The following DNAH12 variants were observed in gnomAD, a reference collection of about 807,000 sequenced individuals.
The protein encoded by DNAH12 is dynein axonemal heavy chain 12.
Under a neutral mutation model 371.5 loss-of-function variants are expected in DNAH12, and 285 were observed. The ratio of observed to expected loss-of-function variants is 0.77; its 90% CI spans 0.70 to 0.85. The LOEUF (loss-of-function observed/expected upper bound fraction) is 0.85, where lower values mean the gene tolerates loss of function less well. Among genes scored for constraint, DNAH12 ranks in the 40% least tolerant of loss-of-function variants. The probability of loss-of-function intolerance (pLI) is 0.00; values close to 1 mark genes in which losing one functional copy is unlikely to be tolerated. For missense variants in DNAH12, 3,611 were observed against 3,689.4 expected, an observed-to-expected ratio of 0.98 and a Z score of 0.55; for synonymous variants, 1,200 against 1,213.0, an observed-to-expected ratio of 0.99 and a Z score of 0.22.
Position 57,501,335 on chromosome 3 carries a change from C to T in DNAH12, c.1321G>A (p.Asp441Asn), listed in dbSNP as rs868742248. 3 of 1,598,458 alleles carry T rather than the reference C, an allele frequency of 1.9e-6. No homozygotes were observed. Among genetic ancestry groups the T allele is most frequent in the Non-Finnish European group, 2.6e-6 (3 of 1,175,544 alleles). The change falls in exon 11 of 74, where the codon GAT becomes AAT. Residue 441 changes from aspartate to asparagine, a missense_variant. Coordinates refer to ENST00000495027, the MANE Select transcript of DNAH12 (RefSeq NM_001366028.2). ...TTACCGCTTACCTCTGTATATTCAT[C>T]AAAAGTATGATCTTCTGTCTGAAAA... ...ETFQTEDHTF[D>N]EYTEFIEKFL... is the part of the protein sequence containing the mutation.
rs1380597664 is a variant in DNAH12, at chr3:57,458,115, GTTTCT to G, written c.3032_3036del (p.Lys1011ThrfsTer12). 3 of 1,544,824 alleles carry G rather than the reference GTTTCT, an allele frequency of 1.9e-6. No individual in the cohort carries two copies. The highest frequency in any genetic ancestry group is 1.7e-4 in the Middle Eastern group (1 of 5,976). ...TTATCATACCGAGGGAAGAAAAGAC[GTTTCT>G]TTTCAAGATATGCGTTAAGACCTTT... is the stretch of plus-strand genomic sequence containing the variant. On this transcript the variant is annotated frameshift_variant, in exon 21 of 74. Coordinates refer to ENST00000495027, the MANE Select transcript of DNAH12 (RefSeq NM_001366028.2). LOFTEE classifies it high-confidence loss of function.
chr3:57,351,383 T>C (rs1241305805), intron 60 of DNAH12, among the ~76,000 whole-genome samples: 1 of 152,216 alleles, frequency 6.6e-6, no homozygotes, highest in Non-Finnish European at 1.5e-5. Flanking sequence ...ACAATCATTC[T>C]GGAAAACAAT....
At chr3:57,416,786 G>A (rs980925216) in intron 37 of DNAH12, among the ~76,000 whole-genome samples, 1 of 151,914 alleles carries the variant, frequency 6.6e-6, no homozygotes, top group African/African-American at 2.4e-5. Context: ...CAGTGAATGG[G>A]GAATTCAAGC....
At chr3:57,458,661 T>C (rs1387044142) in intron 20 of DNAH12, among the ~76,000 whole-genome samples, 2 of 152,192 alleles carry the variant, frequency 1.3e-5, no homozygotes. Context: ...TTCACACTTT[T>C]AGAAGTTAAA....
intron 4 of DNAH12, among the ~76,000 whole-genome samples, chr3:57,517,769 C>A (rs1222929204): frequency 1.3e-5 from 2 of 152,132 alleles, no homozygotes; most frequent in Non-Finnish European, 2.9e-5. Flanking sequence ...CTCCCTGGCC[C>A]AGCACGGTGG....
At chr3:57,393,433 G>C (rs1028165646) in intron 44 of DNAH12, among the ~76,000 whole-genome samples, 151,657 of 151,862 alleles carry the variant, frequency 1, 75,727 homozygotes, top group Middle Eastern at 1. Context: ...TGAGACCATC[G>C]TGGCTAACAC....
At chr3:57,322,210 CTTGTT>C in intron 65 of DNAH12, 128 bp downstream of exon 65, 1 of 998,394 alleles carries the variant, frequency 1.0e-6, no homozygotes, top group East Asian at 2.8e-5. Flanking sequence ...CAATTTTTGT[CTTGTT>C]AGGAAATGCG....
intron 60 of DNAH12, among the ~76,000 whole-genome samples, chr3:57,337,498 A>C (rs1393070984): frequency 1.3e-5 from 2 of 152,198 alleles, no homozygotes; most frequent in African/African-American, 4.8e-5. Context: ...TGTTTCTAAT[A>C]AAAATAGAAA....
intron 13 of DNAH12, among the ~76,000 whole-genome samples, chr3:57,477,096 G>A (rs1030529802): frequency 3.0e-4 from 45 of 152,124 alleles, no homozygotes; most frequent in African/African-American, 1.1e-3. Context: ...TGGGTGCAGC[G>A]CACTGAGCAT....
intron 12 of DNAH12, among the ~76,000 whole-genome samples, chr3:57,484,663 C>G: frequency 6.6e-6 from 1 of 151,902 alleles, no homozygotes; most frequent in East Asian, 1.9e-4. Flanking sequence ...CAAAAGCAAA[C>G]ACAACAAAAA....
rs2063497734 is a variant in DNAH12, at chr3:57,386,257, T to C, written c.7602+184A>G. Among the ~76,000 whole-genome samples, 5 of 152,372 alleles carry C rather than the reference T, an allele frequency of 3.3e-5. No individual in the cohort carries two copies. The South Asian group carries it at 1.0e-3, about 32-fold the overall frequency. Reference sequence around the variant, plus strand: ...CTGTAAAACTTACTGTACTCATTTGTAAAATGAGGATCACAGAAGTGTCCA... The same window carrying C: ...CTGTAAAACTTACTGTACTCATTTGCAAAATGAGGATCACAGAAGTGTCCA... On this transcript the variant is annotated intron_variant, in intron 47 of 73. Transcript: ENST00000495027.
At chr3:57,345,571 A>G (rs1156617557) in intron 60 of DNAH12, among the ~76,000 whole-genome samples, 1 of 152,208 alleles carries the variant, frequency 6.6e-6, no homozygotes, top group East Asian at 1.9e-4. Flanking sequence ...TGACATTTTA[A>G]GTGGATAATT....
At chr3:57,456,787 T>C (rs2153375736) in intron 22 of DNAH12, among the ~76,000 whole-genome samples, 1 of 152,296 alleles carries the variant, frequency 6.6e-6, no homozygotes, top group Middle Eastern at 3.4e-3. Flanking sequence ...TCCACAAATC[T>C]GCTTCTCCTC....
At chr3:57,312,577 G>A (rs376639879) in intron 66 of DNAH12, among the ~76,000 whole-genome samples, 2 of 152,142 alleles carry the variant, frequency 1.3e-5, no homozygotes, top group African/African-American at 2.4e-5. Context: ...AATGAAACAC[G>A]GATCCAGCCA....
At chr3:57,458,322 G>T (rs575906776) in intron 20 of DNAH12, 102 bp from the exon 21 acceptor site, 39 of 1,300,972 alleles carry the variant, frequency 3.0e-5, no homozygotes, top group Admixed American at 3.6e-5. Context: ...AATGTTAAAA[G>T]GTTTATGAAA....
intron 47 of DNAH12, among the ~76,000 whole-genome samples, chr3:57,385,990 GAT>G (rs1185119053): frequency 4.6e-5 from 7 of 151,972 alleles, no homozygotes; most frequent in Admixed American, 6.6e-5. Flanking sequence ...GAGTATTCCT[GAT>G]ATATTATGTG....
At chr3:57,453,886 A>C (rs1409224345) in intron 23 of DNAH12, among the ~76,000 whole-genome samples, 1 of 152,072 alleles carries the variant, frequency 6.6e-6, no homozygotes, top group Non-Finnish European at 1.5e-5. Context: ...AGGTGGGAAG[A>C]TCATTTGAGG....
intron 29 of DNAH12, among the ~76,000 whole-genome samples, chr3:57,439,334 G>A (rs937963700): frequency 2.0e-5 from 3 of 152,092 alleles, no homozygotes; most frequent in African/African-American, 7.2e-5. Flanking sequence ...AAACTGTATG[G>A]TACTGGTACA....
chr3:57,351,829 G>A (rs1029594539), intron 60 of DNAH12, among the ~76,000 whole-genome samples: 5 of 152,034 alleles, frequency 3.3e-5, no homozygotes, highest in Non-Finnish European at 5.9e-5. Flanking sequence ...GTTCTATTTC[G>A]TCACCAGATC....
Sources: allele counts gnomAD v4.1 joint callset (sites outside exome capture counted in the v4.1 genomes callset), GRCh38; gene constraint gnomAD v4.1.1; transcripts MANE v1.5; gene names NCBI Gene and HGNC (gene_info 2026-07-23, HGNC 2026-07-21).